The following ELAVL4 variants were observed in gnomAD, a reference collection of about 807,000 sequenced individuals.
The protein encoded by ELAVL4 is ELAV-like protein 4.
In ELAVL4, 1 loss-of-function variant was observed where a neutral mutation model predicts 35.6. The observed-to-expected ratio is 0.03, with a 90% CI of 0.01 to 0.13. ELAVL4 has a LOEUF of 0.13. Ranked by LOEUF, ELAVL4 falls within the 10% of genes least tolerant of loss-of-function variation. The pLI is 1.00. For synonymous variants in ELAVL4, 156 were observed against 171.0 expected, an observed-to-expected ratio of 0.91 and a Z score of 0.69; for missense variants, 267 against 464.9, an observed-to-expected ratio of 0.57 and a Z score of 3.91.
At position 50,175,173 on chromosome 1, in the gene ELAVL4, T is replaced by A. The variant is rs144329861; in HGVS notation, c.251-1916T>A. On this transcript the variant is annotated intron_variant, in intron 2 of 6. Coordinates refer to ENST00000371824, the MANE Select transcript of ELAVL4 (RefSeq NM_001144774.3). ...AGCAATTTTTAAAGCTTCTCATATA[T>A]GCAAGGTAAATATGACTGAGAAATT... Among the ~76,000 whole-genome samples, 69 of 152,284 alleles carry A rather than the reference T, an allele frequency of 4.5e-4. No individual in the cohort carries two copies. The East Asian group carries it at 9.9e-3, about 22-fold the overall frequency.
chr1:50,115,314 G>A (rs898643954), intron 1 of ELAVL4: 1 of 152,092 alleles, frequency 6.6e-6, no homozygotes, highest in Non-Finnish European at 1.5e-5. Flanking sequence ...CAGTAGAAGT[G>A]TTGAGGAAAT....
intron 3 of ELAVL4, among the ~76,000 whole-genome samples, chr1:50,185,350 T>C (rs1483698475): frequency 6.6e-6 from 1 of 152,246 alleles, no homozygotes; most frequent in East Asian, 1.9e-4. Flanking sequence ...GGTTTCCTCA[T>C]CTGCAAAATG....
chr1:50,109,508 C>T, intron 1 of ELAVL4: 1 of 362,148 alleles, frequency 2.8e-6, no homozygotes, highest in Non-Finnish European at 5.0e-6. Flanking sequence ...GACATAATGG[C>T]AAAAGAAGGG....
chr1:50,092,857 A>G (rs1178991132), intron 1 of ELAVL4, among the ~76,000 whole-genome samples: 2 of 152,234 alleles, frequency 1.3e-5, no homozygotes, highest in Non-Finnish European at 2.9e-5. Flanking sequence ...AAGAGCTTAC[A>G]GTCTTGAGTG....
At chr1:50,180,903 C>T (rs998620229) in intron 3 of ELAVL4, 2 of 152,186 alleles carry the variant, frequency 1.3e-5, no homozygotes, top group Non-Finnish European at 2.9e-5. Context: ...TGAGTATTCA[C>T]TCTGTATCCA....
intron 1 of ELAVL4, among the ~76,000 whole-genome samples, chr1:50,076,577 G>T (rs1041867723): frequency 6.6e-6 from 1 of 152,132 alleles, no homozygotes; most frequent in African/African-American, 2.4e-5. Flanking sequence ...GGAGAAGAGG[G>T]AACTACTGTA....
intron 3 of ELAVL4, among the ~76,000 whole-genome samples, chr1:50,188,753 C>T (rs975411767): frequency 6.6e-6 from 1 of 152,174 alleles, no homozygotes; most frequent in Non-Finnish European, 1.5e-5. Flanking sequence ...AGCATTTGAG[C>T]CTCACATGCC....
intron 1 of ELAVL4, among the ~76,000 whole-genome samples, chr1:50,084,349 T>C (rs967555252): frequency 3.3e-5 from 5 of 152,218 alleles, no homozygotes; most frequent in African/African-American, 7.2e-5. Context: ...ATAATTGTCC[T>C]GCTTAGTTTA....
intron 1 of ELAVL4, among the ~76,000 whole-genome samples, chr1:50,111,237 C>CTT (rs548633832): frequency 5.1e-5 from 7 of 138,540 alleles, no homozygotes; most frequent in African/African-American, 7.9e-5. Flanking sequence ...GGGAATCTTG[C>CTT]TTTTTTTTTT....
intron 2 of ELAVL4, among the ~76,000 whole-genome samples, chr1:50,168,912 G>C (rs1166220618): frequency 1.3e-5 from 2 of 148,206 alleles, no homozygotes; most frequent in East Asian, 2.0e-4. Flanking sequence ...TATTAGTCAG[G>C]GTTCTTTAGA....
chr1:50,071,114 C>A (rs1213205741), intron 1 of ELAVL4, among the ~76,000 whole-genome samples: 2 of 152,164 alleles, frequency 1.3e-5, no homozygotes, highest in Admixed American at 6.5e-5. Context: ...CAAGGACCCC[C>A]CCTCAGAACA....
Position 50,065,559 on chromosome 1 carries a change from C to T in ELAVL4, c.18+17377C>T, listed in dbSNP as rs187970702. Among the ~76,000 whole-genome samples, 169 of 151,508 alleles carry T rather than the reference C, an allele frequency of 1.1e-3. 2 individuals are homozygous for T. Among genetic ancestry groups the T allele is most frequent in the Admixed American group, 3.4e-3 (51 of 15,214 alleles). ...AAACAAATGAAATAATCAAATAATCCCTGCAAAGTGCTCATTAGCAGAATG... is the reference window on the plus strand; with the variant it reads ...AAACAAATGAAATAATCAAATAATCTCTGCAAAGTGCTCATTAGCAGAATG... On this transcript the variant is annotated intron_variant, in intron 1 of 6. Transcript: ENST00000448907.
intron 1 of ELAVL4, among the ~76,000 whole-genome samples, chr1:50,048,973 A>G (rs887962067): frequency 1.3e-5 from 2 of 152,150 alleles, no homozygotes; most frequent in Non-Finnish European, 2.9e-5. Flanking sequence ...TTGTTTCTAC[A>G]AGGAGAGAAC....
intron 2 of ELAVL4, among the ~76,000 whole-genome samples, chr1:50,158,811 C>T (rs1002774469): frequency 1.3e-5 from 2 of 152,094 alleles, no homozygotes; most frequent in African/African-American, 4.8e-5. Context: ...GAGTCCAAGG[C>T]GGGTGGATCA....
chr1:50,170,761 G>A (rs1369726407), intron 2 of ELAVL4, among the ~76,000 whole-genome samples: 2 of 152,154 alleles, frequency 1.3e-5, no homozygotes, highest in African/African-American at 4.8e-5. Context: ...TTCTTAAGCT[G>A]GGCATGGTGG....
chr1:50,069,482 T>C (rs554351946), intron 1 of ELAVL4, among the ~76,000 whole-genome samples: 2 of 152,282 alleles, frequency 1.3e-5, no homozygotes, highest in South Asian at 4.1e-4. Flanking sequence ...ATTTGTTTGA[T>C]TTAGAATCAT....
intron 1 of ELAVL4, among the ~76,000 whole-genome samples, chr1:50,114,570 G>C (rs1436655216): frequency 6.6e-6 from 1 of 152,122 alleles, no homozygotes; most frequent in Non-Finnish European, 1.5e-5. Context: ...CAAGAGTGTA[G>C]AAGAGTACCA....
At chr1:50,131,996 A>T (rs1046990461) in intron 1 of ELAVL4, among the ~76,000 whole-genome samples, 1 of 152,142 alleles carries the variant, frequency 6.6e-6, no homozygotes, top group African/African-American at 2.4e-5. Flanking sequence ...AAGCAAACCC[A>T]TCATGCAGAG....
intron 1 of ELAVL4, among the ~76,000 whole-genome samples, chr1:50,090,390 T>C (rs1199518476): frequency 6.6e-6 from 1 of 152,196 alleles, no homozygotes; most frequent in Non-Finnish European, 1.5e-5. Context: ...CTATACAATG[T>C]GTGCCACTAG....
Sources: gnomAD v4.1 joint callset for allele counts (sites outside exome capture counted in the v4.1 genomes callset) on GRCh38, gnomAD v4.1.1 for gene constraint, MANE v1.5 for transcripts, NCBI Gene and HGNC (gene_info 2026-07-23, HGNC 2026-07-21) for gene names.